Variants in AXDND1 observed in about 807,000 individuals in gnomAD.
The protein encoded by AXDND1 is axonemal dynein light chain domain containing 1, also known as axonemal dynein light chain domain-containing protein 1.
AXDND1 carries 110 observed loss-of-function variants against 137.5 expected under a neutral mutation model. That is an observed-to-expected ratio of 0.80 (90% CI 0.69 to 0.94). AXDND1 has a LOEUF of 0.94. Among genes scored for constraint, AXDND1 ranks in the 40% least tolerant of loss-of-function variants. The probability of loss-of-function intolerance (pLI) is 0.00; values close to 1 mark genes in which losing one functional copy is unlikely to be tolerated. For missense variants in AXDND1, 1,191 were observed against 1,169.8 expected (o/e 1.02, Z -0.26); for synonymous variants, 414 against 399.7 (o/e 1.04, Z -0.43).
At position 179,469,118 on chromosome 1, in the gene AXDND1, C is replaced by T. The variant is rs550027139; in HGVS notation, c.1997+477C>T. On this transcript the variant is annotated intron_variant, in intron 17 of 25. Transcript: ENST00000367618. ...CTAATTTTTGTATTTTTAGTAGAGA[C>T]GGGGTTTCACCATGTTGGCTAGGCT... Among the ~76,000 whole-genome samples, 12 of 152,058 alleles carry T rather than the reference C, an allele frequency of 7.9e-5. No individual in the cohort carries two copies. The East Asian group carries it at 1.4e-3, about 17-fold the overall frequency.
intron 16 of AXDND1, chr1:179,453,962 A>G (rs1455078536): frequency 6.6e-6 from 1 of 152,026 alleles, no homozygotes; most frequent in Non-Finnish European, 1.5e-5. Flanking sequence ...CTTGCTTTTG[A>G]TTTTACAGGC....
At position 179,464,648 on chromosome 1, in the gene AXDND1, T is replaced by C. The variant is rs58645325; in HGVS notation, c.1799-3795T>C. ...GTGGCATTCTCTGTATTTCCTGAAT[T>C]TGAATGTTGGCCTGCCTTGCTAGGT... On this transcript the variant is annotated intron_variant, in intron 16 of 25. Coordinates refer to ENST00000367618, the MANE Select transcript of AXDND1 (RefSeq NM_144696.6). Among the ~76,000 whole-genome samples the C allele has an allele frequency of 4.5e-3, 684 of 152,284 alleles. 3 individuals carry two copies. Among genetic ancestry groups the C allele is most frequent in the African/African-American group, 0.015 (628 of 41,562 alleles).
chr1:179,513,949 T>C (rs997345431), intron 21 of AXDND1, among the ~76,000 whole-genome samples: 3 of 152,206 alleles, frequency 2.0e-5, no homozygotes, highest in African/African-American at 7.2e-5. Flanking sequence ...TTGGATTTTT[T>C]CTGTTCTTTT....
chr1:179,547,018 G>A (rs1267209107), intron 25 of AXDND1, among the ~76,000 whole-genome samples: 1 of 152,184 alleles, frequency 6.6e-6, no homozygotes, highest in Non-Finnish European at 1.5e-5. Flanking sequence ...TACTACTTGG[G>A]AAACATATCT....
At chr1:179,428,614 T>C (rs1656927295) in intron 12 of AXDND1, among the ~76,000 whole-genome samples, 1 of 152,238 alleles carries the variant, frequency 6.6e-6, no homozygotes, top group Non-Finnish European at 1.5e-5. Flanking sequence ...TAAAATGTTG[T>C]TTGCCTTTTT....
chr1:179,433,478 C>T (rs1024786541), intron 15 of AXDND1, among the ~76,000 whole-genome samples: 1 of 152,138 alleles, frequency 6.6e-6, no homozygotes, highest in Non-Finnish European at 1.5e-5. Context: ...TGAGATCCTT[C>T]TAGTTTTCTG....
chr1:179,488,890 A>G (rs1666513285), intron 18 of AXDND1, among the ~76,000 whole-genome samples: 1 of 145,062 alleles, frequency 6.9e-6, no homozygotes, highest in Non-Finnish European at 1.5e-5. Context: ...GCGTGCCACC[A>G]CACCAGGCCA....
chr1:179,373,774 A>G (rs543324181), intron 4 of AXDND1, among the ~76,000 whole-genome samples: 26 of 152,334 alleles, frequency 1.7e-4, no homozygotes, highest in African/African-American at 5.3e-4. Context: ...GGCTAGCCAT[A>G]TGTAGAAAGC....
rs113126689 is a variant in AXDND1, at chr1:179,420,639, C to CTT, written c.1231-8866_1231-8865dup. Among the ~76,000 whole-genome samples, 492 of 142,350 alleles carry CTT rather than the reference C, an allele frequency of 3.5e-3. 3 individuals are homozygous for CTT. Among genetic ancestry groups the CTT allele is most frequent in the Non-Finnish European group, 5.9e-3 (388 of 65,356 alleles). 93.4% of individuals were successfully genotyped at this position (142,350 alleles called of 152,430 possible). On this transcript the variant is annotated intron_variant, in intron 12 of 25. Transcript: ENST00000367618. ...TTGTTATTGGTTTATTGAGGTTTTCCTTTTTTTTTTTTTTCCATTTTCCCC... is the reference window on the plus strand; with the variant it reads ...TTGTTATTGGTTTATTGAGGTTTTCCTTTTTTTTTTTTTTTTCCATTTTCCCC...
intron 16 of AXDND1, among the ~76,000 whole-genome samples, chr1:179,462,410 T>G (rs1257336898): frequency 6.6e-6 from 1 of 152,190 alleles, no homozygotes; most frequent in Non-Finnish European, 1.5e-5. Flanking sequence ...TTCATCGTGG[T>G]GGATAAGCTT....
At chr1:179,468,165 A>G (rs532264560) in intron 16 of AXDND1, among the ~76,000 whole-genome samples, 141 of 152,328 alleles carry the variant, frequency 9.3e-4, no homozygotes, top group Non-Finnish European at 1.2e-3. Context: ...TTCTGGGTTT[A>G]ATGCATTTGA....
chr1:179,443,122 G>C (rs1276739038), intron 15 of AXDND1, among the ~76,000 whole-genome samples: 1 of 152,198 alleles, frequency 6.6e-6, no homozygotes, highest in Non-Finnish European at 1.5e-5. Flanking sequence ...GCGCCAAGGA[G>C]TGATGTCCCT....
At chr1:179,444,053 ATTT>A (rs68061206) in intron 15 of AXDND1, among the ~76,000 whole-genome samples, 46,618 of 146,004 alleles carry the variant, frequency 0.32, 7,477 homozygotes, top group African/African-American at 0.38. Context: ...AGTTTAGTGA[ATTT>A]TTTTTTTTTT....
intron 3 of AXDND1, 82 bp downstream of exon 3, chr1:179,369,054 A>T (rs1667759978): frequency 7.5e-7 from 1 of 1,327,414 alleles, no homozygotes; most frequent in African/African-American, 1.5e-5. Flanking sequence ...TTATGCACAT[A>T]TTATATATTC....
intron 16 of AXDND1, among the ~76,000 whole-genome samples, chr1:179,463,273 T>C (rs1662630189): frequency 1.3e-5 from 2 of 152,254 alleles, no homozygotes; most frequent in Non-Finnish European, 1.5e-5. Context: ...TAAATTTCCC[T>C]CTACACACTG....
At chr1:179,535,094 G>T in intron 25 of AXDND1, 132 bp downstream of exon 25, 10 of 1,365,816 alleles carry the variant, frequency 7.3e-6, no homozygotes, top group Admixed American at 2.1e-5. Context: ...TCATAGGAAT[G>T]TGCATATTTT....
At chr1:179,536,939 G>C (rs893149104) in intron 25 of AXDND1, among the ~76,000 whole-genome samples, 3 of 152,160 alleles carry the variant, frequency 2.0e-5, no homozygotes, top group African/African-American at 7.2e-5. Flanking sequence ...TCCCTTGTAA[G>C]TTGTTTTCCT....
chr1:179,372,507 G>A (rs1428004863), intron 4 of AXDND1, among the ~76,000 whole-genome samples: 1 of 152,104 alleles, frequency 6.6e-6, no homozygotes, highest in African/African-American at 2.4e-5. Context: ...TGAAGAACGA[G>A]TTGGAGAATT....
At chr1:179,411,115 A>G in intron 11 of AXDND1, 31 bp from the exon 12 acceptor site, 3 of 1,487,742 alleles carry the variant, frequency 2.0e-6, no homozygotes, top group Non-Finnish European at 2.7e-6. Context: ...AGTATAAATT[A>G]AATGAAGCTG....
Sources: gnomAD v4.1 joint callset for allele counts (sites outside exome capture counted in the v4.1 genomes callset) on GRCh38, gnomAD v4.1.1 for gene constraint, MANE v1.5 for transcripts, NCBI Gene and HGNC (gene_info 2026-07-23, HGNC 2026-07-21) for gene names.